Variants in CACNA1C observed in about 807,000 individuals in gnomAD.
CACNA1C encodes voltage-dependent L-type calcium channel subunit alpha-1C.
In CACNA1C, 30 loss-of-function variants were observed where a neutral mutation model predicts 229.0. That is an observed-to-expected ratio of 0.13 (90% CI 0.10 to 0.18). The LOEUF (loss-of-function observed/expected upper bound fraction) is 0.18. Ranked by LOEUF, CACNA1C falls within the 10% of genes least tolerant of loss-of-function variation. The pLI, the probability that CACNA1C is intolerant of heterozygous loss-of-function variation, is 1.00. For synonymous variants in CACNA1C, 1,114 were observed against 1,132.5 expected, an observed-to-expected ratio of 0.98 and a Z score of 0.33; for missense variants, 1,658 against 2,845.0, an observed-to-expected ratio of 0.58 and a Z score of 9.49.
chr12:2,691,013 G>T lies in CACNA1C; in HGVS notation c.6231G>T (p.Ala2077=), dbSNP rs772093926. Residue 2077 remains alanine, a synonymous_variant, in exon 47 of 47, where the codon GCG becomes GCT. Coordinates refer to ENST00000399655, the MANE Select transcript of CACNA1C (RefSeq NM_000719.7). ...TGACCATAGAGGAGATGGAGAGCGC[G>T]GCCGACAACATCCTCAGCGGGGGCG... The part of the protein sequence containing the change: ...CDMTIEEMES[A]ADNILSGGAP... 1.1e-5 allele frequency: 18 copies of T among 1,600,688 alleles called. No individual in the cohort carries two copies. Among genetic ancestry groups the T allele is most frequent in the Non-Finnish European group, 1.4e-5 (16 of 1,173,826 alleles).
rs116439822 is a variant in CACNA1C, at chr12:2,326,729, C to T, written c.478-122247C>T. Among the ~76,000 whole-genome samples, 483 of 152,352 alleles carry T rather than the reference C, an allele frequency of 3.2e-3. 5 individuals are homozygous for T. Among genetic ancestry groups the T allele is most frequent in the African/African-American group, 0.011 (463 of 41,582 alleles). ...GTTCTCAAGGCCTGGCTGCATTGATCAGCCCACTGGATTTACTGCCTGAAA... is the reference window on the plus strand; with the variant it reads ...GTTCTCAAGGCCTGGCTGCATTGATTAGCCCACTGGATTTACTGCCTGAAA... On this transcript the variant is annotated intron_variant, in intron 3 of 46. Coordinates refer to ENST00000399655, the MANE Select transcript of CACNA1C (RefSeq NM_000719.7).
At chr12:2,583,362 C>T (rs996708779) in intron 15 of CACNA1C, among the ~76,000 whole-genome samples, 1 of 152,258 alleles carries the variant, frequency 6.6e-6, no homozygotes, top group African/African-American at 2.4e-5. Flanking sequence ...TCTCCTCCTG[C>T]TTTTTGGTCA....
intron 4 of CACNA1C, among the ~76,000 whole-genome samples, chr12:2,450,694 G>C (rs1326659387): frequency 3.3e-5 from 5 of 151,858 alleles, no homozygotes. Flanking sequence ...GTTACTCTGA[G>C]CCCAGTGAGT....
At chr12:2,396,654 A>G (rs2098587211) in intron 3 of CACNA1C, among the ~76,000 whole-genome samples, 1 of 152,198 alleles carries the variant, frequency 6.6e-6, no homozygotes, top group Non-Finnish European at 1.5e-5. Context: ...ACCACCTATT[A>G]CATTTTCTGG....
At chr12:2,644,851 C>T (rs1013797779) in intron 30 of CACNA1C, among the ~76,000 whole-genome samples, 15 of 152,228 alleles carry the variant, frequency 9.9e-5, no homozygotes, top group African/African-American at 3.6e-4. Context: ...CCCCTCCTCA[C>T]TGCCAGTTCT....
intron 3 of CACNA1C, among the ~76,000 whole-genome samples, chr12:2,261,659 C>A (rs1190123835): frequency 6.6e-6 from 1 of 152,170 alleles, no homozygotes; most frequent in Non-Finnish European, 1.5e-5. Context: ...AACATTATTA[C>A]AAACAGCACT....
At chr12:2,371,871 T>G (rs2097877718) in intron 3 of CACNA1C, among the ~76,000 whole-genome samples, 1 of 152,080 alleles carries the variant, frequency 6.6e-6, no homozygotes, top group Admixed American at 6.6e-5. Flanking sequence ...AAGAAATTGA[T>G]GTTGAGTATT....
At chr12:2,046,939 A>G (rs2051171822) in intron 1 of CACNA1C, among the ~76,000 whole-genome samples, 1 of 152,158 alleles carries the variant, frequency 6.6e-6, no homozygotes, top group Non-Finnish European at 1.5e-5. Context: ...TGAAGGCCTC[A>G]GCGTTATTAT....
rs1035851448 is a variant in CACNA1C at position 2,067,752 on chromosome 12, A to G, written c.49+14141A>G. Among the ~76,000 whole-genome samples the G allele has an allele frequency of 6.6e-6, 1 of 152,108 alleles. No homozygotes were observed. The highest frequency in any genetic ancestry group is 1.5e-5 in the Non-Finnish European group (1 of 68,016). ...GCACTGTTAACCTCAGTCAGGGCGC[A>G]ACGGTAGAAAGGAGGAGTGATGGGG... is the stretch of plus-strand genomic sequence containing the variant. On this transcript the variant is annotated intron_variant, in intron 1 of 46. Transcript: ENST00000399655. The surrounding 1 kb of genome is among the most constrained non-coding windows in gnomAD (Gnocchi z 5.3).
chr12:2,333,479 T>C (rs1259947916), intron 3 of CACNA1C, among the ~76,000 whole-genome samples: 1 of 152,206 alleles, frequency 6.6e-6, no homozygotes, highest in Non-Finnish European at 1.5e-5. Context: ...GCATCCTTCC[T>C]GCGTTTTCTC....
At chr12:2,232,869 T>G (rs975046978) in intron 3 of CACNA1C, among the ~76,000 whole-genome samples, 1 of 152,194 alleles carries the variant, frequency 6.6e-6, no homozygotes, top group Non-Finnish European at 1.5e-5. Context: ...CTTGCTCAAA[T>G]TGTTTTAGCT....
At position 2,093,977 on chromosome 12, in the gene CACNA1C, A is replaced by C. The variant is rs7305967; in HGVS notation, c.50-21247A>C. 1.0e-2 allele frequency among the ~76,000 whole-genome samples: 1,516 copies of C among 152,340 alleles called. 22 individuals carry two copies. Among genetic ancestry groups the C allele is most frequent in the African/African-American group, 0.034 (1,426 of 41,576 alleles). On this transcript the variant is annotated intron_variant, in intron 1 of 46. Coordinates refer to ENST00000399655, the MANE Select transcript of CACNA1C (RefSeq NM_000719.7). ...AAGCAGACATCCCATTTTCCCCAGTAACCTCCGCATGTGTGAAAACTGGGC... is the reference window on the plus strand; with the variant it reads ...AAGCAGACATCCCATTTTCCCCAGTCACCTCCGCATGTGTGAAAACTGGGC...
At chr12:2,684,059 G>C (rs1017175657) in intron 43 of CACNA1C, among the ~76,000 whole-genome samples, 1 of 152,166 alleles carries the variant, frequency 6.6e-6, no homozygotes, top group African/African-American at 2.4e-5. Flanking sequence ...GAGGTGGTGG[G>C]AGGGGACACC....
Position 2,653,987 on chromosome 12 carries a change from C to T in CACNA1C, c.4140+87C>T. 9.8e-7 allele frequency: 1 copy of T among 1,015,564 alleles called. No individual in the cohort carries two copies. The highest frequency in any genetic ancestry group is 1.5e-6 in the Non-Finnish European group (1 of 660,804). The allele number at this position is 1,015,564 out of a possible 1,614,324, so 62.9% of individuals were successfully genotyped here. A position where few individuals can be genotyped will look rare whatever the true frequency, so the allele number is the denominator to read the frequency against. ...ACCACATTCCCTAACGCCTTCCTCCCTCCCTTCTCCCTTTCATTCCTGACT... is the reference window on the plus strand; with the variant it reads ...ACCACATTCCCTAACGCCTTCCTCCTTCCCTTCTCCCTTTCATTCCTGACT... On this transcript the variant is annotated intron_variant, in intron 33 of 46. Transcript: ENST00000399655. The surrounding 1 kb of genome is among the most constrained non-coding windows in gnomAD (Gnocchi z 4.7).
At chr12:2,084,506 C>T (rs963655893) in intron 1 of CACNA1C, among the ~76,000 whole-genome samples, 2 of 152,158 alleles carry the variant, frequency 1.3e-5, no homozygotes, top group East Asian at 3.8e-4. Context: ...CTTCTTGTCC[C>T]CACTTTCTTT....
intron 3 of CACNA1C, among the ~76,000 whole-genome samples, chr12:2,417,633 T>C (rs1489500909): frequency 6.6e-6 from 1 of 152,126 alleles, no homozygotes; most frequent in Non-Finnish European, 1.5e-5. Context: ...GAGGTAATGA[T>C]GCTGTTAATC....
At chr12:2,139,575 T>C (rs1339106637) in intron 3 of CACNA1C, among the ~76,000 whole-genome samples, 1 of 151,052 alleles carries the variant, frequency 6.6e-6, no homozygotes, top group Non-Finnish European at 1.5e-5. Flanking sequence ...TCAGTGTGGA[T>C]GCTGGTCCTG....
At chr12:2,440,153 A>G (rs1305357803) in intron 3 of CACNA1C, among the ~76,000 whole-genome samples, 1 of 152,180 alleles carries the variant, frequency 6.6e-6, no homozygotes, top group Non-Finnish European at 1.5e-5. Flanking sequence ...TTACCATTCT[A>G]ACCATTTTTA....
intron 1 of CACNA1C, among the ~76,000 whole-genome samples, chr12:2,032,743 C>T (rs59149107): frequency 0.075 from 11,389 of 152,264 alleles, 1,272 homozygotes; most frequent in East Asian, 0.56. Flanking sequence ...AACAACTGTG[C>T]TGTGTTTTCT....
Sources: allele counts gnomAD v4.1 joint callset (sites outside exome capture counted in the v4.1 genomes callset), GRCh38; gene constraint gnomAD v4.1.1; non-coding constraint Gnocchi (gnomAD v3.1); transcripts MANE v1.5; gene names NCBI Gene and HGNC (gene_info 2026-07-23, HGNC 2026-07-21).